PCDHGB6: variants seen among roughly 807,000 people sequenced by gnomAD.
The protein encoded by PCDHGB6 is protocadherin gamma-B6.
In PCDHGB6, 51 loss-of-function variants were observed where a neutral mutation model predicts 59.1. The observed-to-expected ratio is 0.86, with a 90% CI of 0.69 to 1.09. The LOEUF is 1.09. PCDHGB6 is among the 50% of genes least tolerant of loss of function. The pLI is 0.00. For synonymous variants in PCDHGB6, 466 were observed against 495.1 expected (o/e 0.94, Z 0.78); for missense variants, 1,148 against 1,205.1 (o/e 0.95, Z 0.70).
At chr5:141,468,701 C>A (rs1186497330) in intron 1 of PCDHGB6, 2 of 151,628 alleles carry the variant, frequency 1.3e-5, no homozygotes, top group African/African-American at 2.4e-5. Flanking sequence ...CCCGTCTCTA[C>A]TAAAAATATA....
intron 1 of PCDHGB6, among the ~76,000 whole-genome samples, chr5:141,452,909 T>C (rs1408054133): frequency 6.6e-6 from 1 of 152,232 alleles, no homozygotes; most frequent in Non-Finnish European, 1.5e-5. Flanking sequence ...GTTGGCATTA[T>C]ACAGTAAGAA....
intron 1 of PCDHGB6, among the ~76,000 whole-genome samples, chr5:141,443,696 T>C (rs1293017505): frequency 6.6e-6 from 1 of 152,308 alleles, no homozygotes; most frequent in Admixed American, 6.5e-5. Context: ...TCAAAAATTA[T>C]AGAATAACAT....
Position 141,505,374 on chromosome 5 carries a change from C to T in PCDHGB6, c.2478-19C>T. The T allele has an allele frequency of 2.5e-6, 4 of 1,614,004 alleles. No homozygotes were observed. Among genetic ancestry groups the T allele is most frequent in the Non-Finnish European group, 2.5e-6 (3 of 1,179,944 alleles). On this transcript the variant is annotated intron_variant, in intron 2 of 3. Coordinates refer to ENST00000520790, the MANE Select transcript of PCDHGB6 (RefSeq NM_018926.3). Reference sequence around the variant, plus strand: ...TGCCGGCCTGGGAGTCTGTGCTCACCATCCTACTCTCTCCCCAGCTCCCAA... The same window carrying T: ...TGCCGGCCTGGGAGTCTGTGCTCACTATCCTACTCTCTCCCCAGCTCCCAA...
intron 3 of PCDHGB6, among the ~76,000 whole-genome samples, chr5:141,505,765 T>C (rs970212345): frequency 5.3e-5 from 8 of 151,922 alleles, no homozygotes; most frequent in African/African-American, 1.9e-4. Flanking sequence ...ACAGTGTAGC[T>C]CAGGTCCTAG....
chr5:141,460,537 C>T (rs2098991642), intron 1 of PCDHGB6, among the ~76,000 whole-genome samples: 1 of 152,062 alleles, frequency 6.6e-6, no homozygotes, highest in African/African-American at 2.4e-5. Context: ...ATAATCTTAG[C>T]ACCTTAATCA....
Position 141,431,818 on chromosome 5 carries a change from C to T in PCDHGB6, c.2418+21198C>T, listed in dbSNP as rs201311339. On this transcript the variant is annotated intron_variant, in intron 1 of 3. Coordinates refer to ENST00000520790, the MANE Select transcript of PCDHGB6 (RefSeq NM_018926.3). This position sits in a 1 kb window ranked among gnomAD's most constrained non-coding sequence, Gnocchi z 4.8. ...CAGAAGTGGTCCTCACCTCTCTCGCCAGCTCGGTTCCCGAAAACTCTCCCA... is the reference window on the plus strand; with the variant it reads ...CAGAAGTGGTCCTCACCTCTCTCGCTAGCTCGGTTCCCGAAAACTCTCCCA... 130 of 1,614,122 alleles carry T rather than the reference C, an allele frequency of 8.1e-5. No homozygotes were observed. Among genetic ancestry groups the T allele is most frequent in the Non-Finnish European group, 1.0e-4 (121 of 1,180,040 alleles).
chr5:141,408,377 C>A lies in PCDHGB6; in HGVS notation c.175C>A (p.Leu59Met). 1 of 1,614,020 alleles carries A rather than the reference C, an allele frequency of 6.2e-7. No homozygotes were observed. Among genetic ancestry groups the A allele is most frequent in the Non-Finnish European group, 8.5e-7 (1 of 1,179,868 alleles). Reference sequence around the variant, plus strand: ...CGCTAAGGATCTAGGGCTCAGTGTCCTGGATGTGTCGGCTCGCAAGCTGCG... The same window carrying A: ...CGCTAAGGATCTAGGGCTCAGTGTCATGGATGTGTCGGCTCGCAAGCTGCG... Reference protein sequence around the residue: ...NLAKDLGLSVLDVSARKLRVS... With the variant: ...NLAKDLGLSVMDVSARKLRVS... Residue 59 changes from leucine to methionine, a missense_variant, in exon 1 of 4, where the codon CTG (leucine) becomes ATG (methionine). By Grantham distance (15) the Leu-to-Met change is conservative (BLOSUM62 2). This residue lies in a region of PCDHGB6 where 307 missense variants were observed against 323.8 expected (regional missense o/e 0.95). Transcript: ENST00000520790.
At chr5:141,452,954 T>A (rs1315313825) in intron 1 of PCDHGB6, among the ~76,000 whole-genome samples, 5 of 152,220 alleles carry the variant, frequency 3.3e-5, no homozygotes, top group Non-Finnish European at 1.5e-5. Context: ...ATTGGTTGTC[T>A]TTAAACTGAG....
At chr5:141,415,024 G>C in intron 1 of PCDHGB6, 1 of 1,613,568 alleles carries the variant, frequency 6.2e-7, no homozygotes, top group Non-Finnish European at 8.5e-7. Flanking sequence ...CAAGGCCAGC[G>C]AGCCGGGACT....
In PCDHGB6 at chr5:141,447,157, T is replaced by A. The variant is rs569196292; in HGVS notation, c.2418+36537T>A. On this transcript the variant is annotated intron_variant, in intron 1 of 3. Transcript: ENST00000520790. The stretch of plus-strand genomic sequence containing the variant: ...TTTGTTTTTTGTTTTTGTTTTTGTT[T>A]AAGCGGGGTCTTGCTCTTGTCGCGC... Among the ~76,000 whole-genome samples the A allele has an allele frequency of 4.1e-4, 62 of 152,254 alleles. No homozygotes were observed. The South Asian group carries it at 0.013, about 31-fold the overall frequency.
chr5:141,438,764 C>T (rs963627140), intron 1 of PCDHGB6, among the ~76,000 whole-genome samples: 38 of 148,736 alleles, frequency 2.6e-4, no homozygotes, highest in African/African-American at 9.4e-4. Context: ...TGGGTTCAAG[C>T]GATTCTCCTG....
intron 2 of PCDHGB6, among the ~76,000 whole-genome samples, chr5:141,502,866 C>CTTTTTT (rs549047197): frequency 2.0e-4 from 26 of 128,026 alleles, no homozygotes; most frequent in African/African-American, 6.2e-4. Flanking sequence ...GACTCTCTGT[C>CTTTTTT]TTTTTTTTTT....
At position 141,486,679 on chromosome 5, in the gene PCDHGB6, A is replaced by G. The variant is rs1416879364; in HGVS notation, c.2419-8128A>G. The G allele has an allele frequency of 6.2e-7, 1 of 1,614,092 alleles. No individual in the cohort carries two copies. The highest frequency in any genetic ancestry group is 1.7e-5 in the Admixed American group (1 of 60,026). On this transcript the variant is annotated intron_variant, in intron 1 of 3. Coordinates refer to ENST00000520790, the MANE Select transcript of PCDHGB6 (RefSeq NM_018926.3). The surrounding 1 kb of genome is among the most constrained non-coding windows in gnomAD (Gnocchi z 5.0). Reference sequence around the variant, plus strand: ...TCCTGGAGCCCAGGAATCGAGATGTATCAGCTTCCTCTTTCATCTCTCTGA... The same window carrying G: ...TCCTGGAGCCCAGGAATCGAGATGTGTCAGCTTCCTCTTTCATCTCTCTGA...
In PCDHGB6 at chr5:141,486,157, AG is replaced by A. The variant is rs1562110605; in HGVS notation, c.2419-8649del. 1 of 1,614,208 alleles carries A rather than the reference AG, an allele frequency of 6.2e-7. No homozygotes were observed. Among genetic ancestry groups the A allele is most frequent in the Admixed American group, 1.7e-5 (1 of 60,026 alleles). On this transcript the variant is annotated intron_variant, in intron 1 of 3. Coordinates refer to ENST00000520790, the MANE Select transcript of PCDHGB6 (RefSeq NM_018926.3). This position sits in a 1 kb window ranked among gnomAD's most constrained non-coding sequence, Gnocchi z 5.0. ...TGCGGGCTCGCGATGGGGGTTCTCC[AG>A]CCATGGAGCAACATTGCAGCCTTCG...
At chr5:141,429,845 T>C (rs888160645) in intron 1 of PCDHGB6, among the ~76,000 whole-genome samples, 4 of 152,222 alleles carry the variant, frequency 2.6e-5, no homozygotes, top group Non-Finnish European at 1.5e-5. Context: ...GGTAAGTCTG[T>C]AACATTCTTT....
intron 3 of PCDHGB6, among the ~76,000 whole-genome samples, chr5:141,508,528 C>T (rs2099869454): frequency 6.6e-6 from 1 of 152,186 alleles, no homozygotes; most frequent in Admixed American, 6.5e-5. Context: ...AACCTCAGGG[C>T]ACCCCCCACG....
intron 3 of PCDHGB6, among the ~76,000 whole-genome samples, chr5:141,507,817 G>C (rs1038461861): frequency 3.3e-5 from 5 of 152,206 alleles, no homozygotes; most frequent in Non-Finnish European, 5.9e-5. Context: ...AACGGACCCT[G>C]GGGGTGGAGG....
At chr5:141,492,216 C>T (rs1163022229) in intron 1 of PCDHGB6, among the ~76,000 whole-genome samples, 1 of 152,140 alleles carries the variant, frequency 6.6e-6, no homozygotes, top group Non-Finnish European at 1.5e-5. Context: ...GCGCGGGGCT[C>T]ATGCGTGTCC....
At chr5:141,410,830 G>T in intron 1 of PCDHGB6, 11 of 332,874 alleles carry the variant, frequency 3.3e-5, no homozygotes, top group East Asian at 5.9e-5. Context: ...TCACCAGACT[G>T]AAGATATTTT....
Sources: gnomAD v4.1 joint callset for allele counts (sites outside exome capture counted in the v4.1 genomes callset) on GRCh38, gnomAD v4.1.1 for gene constraint, gnomAD v4.1.1 regional missense constraint, Gnocchi (gnomAD v3.1) non-coding constraint, MANE v1.5 for transcripts, NCBI Gene and HGNC (gene_info 2026-07-23, HGNC 2026-07-21) for gene names.